FLI1: variants seen among roughly 807,000 people sequenced by gnomAD.
The protein encoded by FLI1 is Friend leukemia integration 1 transcription factor.
Under a neutral mutation model 53.1 loss-of-function variants are expected in FLI1, and 13 were observed. That is an observed-to-expected ratio of 0.24 (90% CI 0.16 to 0.39). The LOEUF is 0.39. Ranked by LOEUF, FLI1 falls within the 10% of genes least tolerant of loss-of-function variation. The pLI is 1.00. For missense variants in FLI1, 424 were observed against 600.5 expected (o/e 0.71, Z 3.07); for synonymous variants, 244 against 236.7 (o/e 1.03, Z -0.28).
intron 1 of FLI1, chr11:128,686,766 G>C (rs1455982064): frequency 6.8e-6 from 2 of 294,398 alleles, no homozygotes; most frequent in Non-Finnish European, 1.4e-5. Flanking sequence ...CGGGCCTATG[G>C]TCCCTTTTCC....
At chr11:128,713,279 C>T (rs572499772) in intron 1 of FLI1, among the ~76,000 whole-genome samples, 1 of 152,274 alleles carries the variant, frequency 6.6e-6, no homozygotes, top group South Asian at 2.1e-4. Flanking sequence ...TAGTCTCTTC[C>T]TATGTAGAAT....
chr11:128,761,790 A>G lies in FLI1; in HGVS notation c.230+3464A>G, dbSNP rs1941131796. The stretch of plus-strand genomic sequence containing the variant: ...CAGTCACACCAAAAGCCAGCTGGAG[A>G]GGGCCTGTGTGAATATTCCAGTGAA... On this transcript the variant is annotated intron_variant, in intron 2 of 8. Coordinates refer to ENST00000527786, the MANE Select transcript of FLI1 (RefSeq NM_002017.5). Among the ~76,000 whole-genome samples the G allele has an allele frequency of 7.2e-5, 11 of 152,134 alleles. No individual in the cohort carries two copies. The South Asian group carries it at 2.3e-3, about 32-fold the overall frequency.
chr11:128,710,973 A>G (rs1466002180), intron 1 of FLI1, among the ~76,000 whole-genome samples: 1 of 152,254 alleles, frequency 6.6e-6, no homozygotes, highest in Non-Finnish European at 1.5e-5. Flanking sequence ...AAGTCCAAGG[A>G]AAGTGAAAGA....
chr11:128,777,189 G>A (rs1941756658), intron 4 of FLI1, among the ~76,000 whole-genome samples: 1 of 152,158 alleles, frequency 6.6e-6, no homozygotes, highest in South Asian at 2.1e-4. Flanking sequence ...GAGGGCGCCG[G>A]GCTGGCAGTT....
At chr11:128,769,777 A>T (rs1941485751) in intron 3 of FLI1, among the ~76,000 whole-genome samples, 1 of 152,208 alleles carries the variant, frequency 6.6e-6, no homozygotes, top group African/African-American at 2.4e-5. Flanking sequence ...CACCACGTAA[A>T]TTGCTTTATC....
At chr11:128,715,329 C>T (rs997240420) in intron 1 of FLI1, among the ~76,000 whole-genome samples, 3 of 152,202 alleles carry the variant, frequency 2.0e-5, no homozygotes, top group African/African-American at 7.2e-5. Context: ...TTCCCACATG[C>T]CTCCACCCCT....
chr11:128,725,506 C>T (rs577288242), intron 1 of FLI1, among the ~76,000 whole-genome samples: 3 of 152,320 alleles, frequency 2.0e-5, no homozygotes, highest in East Asian at 1.9e-4. Flanking sequence ...CTCAAGTGCC[C>T]GCAAATGCCC....
chr11:128,685,734 A>AAAG (rs1865789936), upstream of FLI1, among the ~76,000 whole-genome samples: 1 of 139,470 alleles, frequency 7.2e-6, no homozygotes. Flanking sequence ...AAAAAAAAAA[A>AAAG]GCTGGAATTT....
upstream of FLI1, among the ~76,000 whole-genome samples, chr11:128,685,396 C>A (rs1414883487): frequency 6.6e-6 from 1 of 152,194 alleles, no homozygotes. Context: ...TGCGTCCGAT[C>A]CTCTGGGGGC....
intron 1 of FLI1, among the ~76,000 whole-genome samples, chr11:128,724,014 C>A (rs1315617802): frequency 7.5e-6 from 1 of 133,020 alleles, no homozygotes; most frequent in Non-Finnish European, 1.5e-5. Context: ...GCCATCTGGG[C>A]TCACTGTAAC....
chr11:128,756,813 T>C (rs1425893302), intron 1 of FLI1, among the ~76,000 whole-genome samples: 1 of 152,248 alleles, frequency 6.6e-6, no homozygotes, highest in East Asian at 1.9e-4. Context: ...TGTGATTCGA[T>C]GAGACATGGA....
Position 128,782,194 on chromosome 11 carries a change from A to G in FLI1, c.655+171A>G, listed in dbSNP as rs75114323. 8.8e-3 allele frequency among the ~76,000 whole-genome samples: 1,343 copies of G among 152,364 alleles called. 17 individuals are homozygous for G. The highest frequency in any genetic ancestry group is 0.027 in the African/African-American group (1,127 of 41,572). The stretch of plus-strand genomic sequence containing the variant: ...CTTGTGCTACCAGTTGCAAAAATAC[A>G]GTAAAGAAAGTTTTACAGTATCTTG... On this transcript the variant is annotated intron_variant, in intron 5 of 8. Transcript: ENST00000527786.
chr11:128,726,303 C>T lies in FLI1; in HGVS notation c.19-31812C>T, dbSNP rs1346576954. 5.3e-5 allele frequency among the ~76,000 whole-genome samples: 8 copies of T among 152,242 alleles called. No individual in the cohort carries two copies. In the East Asian group the frequency reaches 1.4e-3, roughly 26 times the overall value. On this transcript the variant is annotated intron_variant, in intron 1 of 8. Transcript: ENST00000527786. Reference sequence around the variant, plus strand: ...CATTAAGACGCTGCCCCAACCCAGCCCCAGACTCCTACTCTATGGCTAGTT... The same window carrying T: ...CATTAAGACGCTGCCCCAACCCAGCTCCAGACTCCTACTCTATGGCTAGTT...
chr11:128,689,414 C>T (rs1937650820), upstream of FLI1, among the ~76,000 whole-genome samples: 1 of 152,170 alleles, frequency 6.6e-6, no homozygotes, highest in South Asian at 2.1e-4. Flanking sequence ...GTGTACCCCC[C>T]AGGTTCCTTG....
intron 1 of FLI1, among the ~76,000 whole-genome samples, chr11:128,752,100 T>G (rs1036593444): frequency 1.3e-5 from 2 of 151,914 alleles, no homozygotes; most frequent in Non-Finnish European, 2.9e-5. Flanking sequence ...CTCAGCCTCC[T>G]GAGTAGCTGG....
At chr11:128,738,857 G>A (rs1199176322) in intron 1 of FLI1, among the ~76,000 whole-genome samples, 1 of 152,248 alleles carries the variant, frequency 6.6e-6, no homozygotes, top group East Asian at 1.9e-4. Flanking sequence ...AAGACCCAGG[G>A]CTACATTTCT....
intron 3 of FLI1, among the ~76,000 whole-genome samples, chr11:128,768,919 T>C (rs1227088498): frequency 6.6e-6 from 1 of 152,186 alleles, no homozygotes. Flanking sequence ...GATGTGGGCA[T>C]CCCTGCCTGT....
At chr11:128,694,706 G>A (rs1937958809) in intron 1 of FLI1, among the ~76,000 whole-genome samples, 1 of 152,200 alleles carries the variant, frequency 6.6e-6, no homozygotes, top group Non-Finnish European at 1.5e-5. Context: ...ACACGGCGGG[G>A]GCGGGGGCTG....
chr11:128,780,829 G>T (rs1383698062), intron 4 of FLI1, among the ~76,000 whole-genome samples: 3 of 152,168 alleles, frequency 2.0e-5, no homozygotes, highest in African/African-American at 7.2e-5. Flanking sequence ...TTGTTTAGAA[G>T]AATTTTCTTA....
Sources: gnomAD v4.1 joint callset for allele counts (sites outside exome capture counted in the v4.1 genomes callset) on GRCh38, gnomAD v4.1.1 for gene constraint, MANE v1.5 for transcripts, NCBI Gene and HGNC (gene_info 2026-07-23, HGNC 2026-07-21) for gene names.